The following CNTNAP2 variants were observed in gnomAD, a reference collection of about 807,000 sequenced individuals.
CNTNAP2 encodes contactin-associated protein-like 2.
CNTNAP2 carries 98 observed loss-of-function variants against 155.2 expected under a neutral mutation model. The ratio of observed to expected loss-of-function variants is 0.63; its 90% CI spans 0.54 to 0.75. The LOEUF (loss-of-function observed/expected upper bound fraction) is 0.75. CNTNAP2 is among the 30% of genes least tolerant of loss of function. CNTNAP2 has a pLI of 0.00. For missense variants in CNTNAP2, 1,727 were observed against 1,688.1 expected (o/e 1.02, Z -0.40); for synonymous variants, 651 against 631.2 (o/e 1.03, Z -0.47).
chr7:147,612,500 A>G (rs1342828687), intron 12 of CNTNAP2, among the ~76,000 whole-genome samples: 2 of 150,784 alleles, frequency 1.3e-5, no homozygotes, highest in East Asian at 3.9e-4. Flanking sequence ...TCCCAGGTCC[A>G]AGCGATTCTC....
At chr7:146,618,011 G>C (rs1391307338) in intron 1 of CNTNAP2, among the ~76,000 whole-genome samples, 1 of 151,820 alleles carries the variant, frequency 6.6e-6, no homozygotes, top group Non-Finnish European at 1.5e-5. Context: ...ATAATCCTTA[G>C]GGTTAATTTT....
chr7:146,632,393 T>G (rs559816396), intron 1 of CNTNAP2, among the ~76,000 whole-genome samples: 1 of 152,294 alleles, frequency 6.6e-6, no homozygotes, highest in East Asian at 1.9e-4. Flanking sequence ...TTTTTAGTAC[T>G]AAATATAAAA....
intron 3 of CNTNAP2, among the ~76,000 whole-genome samples, chr7:146,866,812 G>A (rs1403070658): frequency 1.3e-5 from 2 of 152,216 alleles, no homozygotes; most frequent in Middle Eastern, 6.8e-3. Flanking sequence ...ATCAATTACA[G>A]TATACTCACA....
intron 4 of CNTNAP2, among the ~76,000 whole-genome samples, chr7:147,101,877 G>A (rs897024637): frequency 6.6e-6 from 1 of 152,130 alleles, no homozygotes; most frequent in East Asian, 1.9e-4. Flanking sequence ...GCAGGCCAGG[G>A]TGGTTTTGAA....
At chr7:146,151,648 A>ACG (rs1798042739) in intron 1 of CNTNAP2, among the ~76,000 whole-genome samples, 1 of 18,668 alleles carries the variant, frequency 5.4e-5, no homozygotes, top group Non-Finnish European at 1.2e-4. Context: ...ATATATATAT[A>ACG]TATATATATA....
At chr7:146,621,394 C>T (rs1799314483) in intron 1 of CNTNAP2, among the ~76,000 whole-genome samples, 1 of 152,046 alleles carries the variant, frequency 6.6e-6, no homozygotes, top group Non-Finnish European at 1.5e-5. Context: ...ACCTTTAGTC[C>T]TTGGCTTTCT....
intron 4 of CNTNAP2, among the ~76,000 whole-genome samples, chr7:147,051,118 G>C (rs1341855160): frequency 1.3e-5 from 2 of 151,154 alleles, no homozygotes; most frequent in Admixed American, 1.3e-4. Flanking sequence ...GCCACGCTTT[G>C]AGGTTTTGGC....
chr7:147,478,736 C>T (rs1355122008), intron 10 of CNTNAP2, among the ~76,000 whole-genome samples: 3 of 152,222 alleles, frequency 2.0e-5, no homozygotes, highest in African/African-American at 7.2e-5. Flanking sequence ...TTGCCTTCAA[C>T]TTAGCCACAG....
intron 3 of CNTNAP2, among the ~76,000 whole-genome samples, chr7:146,914,458 T>A (rs1796353900): frequency 1.3e-5 from 2 of 152,058 alleles, no homozygotes; most frequent in Admixed American, 6.6e-5. Flanking sequence ...CCAACATCTA[T>A]TATTTTTTTT....
Position 148,151,565 on chromosome 7 carries a change from G to T in CNTNAP2, c.2773+3856G>T, listed in dbSNP as rs533429503. 2.9e-4 allele frequency among the ~76,000 whole-genome samples: 44 copies of T among 152,192 alleles called. 1 individual carries two copies. The highest frequency in any genetic ancestry group is 9.9e-4 in the African/African-American group (41 of 41,510). The stretch of plus-strand genomic sequence containing the variant: ...CCCGCCTCAGCCTCTCAAAGTGCTG[G>T]GATTACAGGCATGAGCCACTATGCC... On this transcript the variant is annotated intron_variant, in intron 17 of 23. Transcript: ENST00000361727.
At chr7:146,813,615 A>G (rs913021935) in intron 2 of CNTNAP2, among the ~76,000 whole-genome samples, 5 of 152,106 alleles carry the variant, frequency 3.3e-5, no homozygotes, top group African/African-American at 4.8e-5. Flanking sequence ...CTCAGATGAG[A>G]TGTTAGACTT....
chr7:146,560,026 C>T (rs2129144194), intron 1 of CNTNAP2, among the ~76,000 whole-genome samples: 1 of 152,266 alleles, frequency 6.6e-6, no homozygotes, highest in East Asian at 1.9e-4. Flanking sequence ...CCAGTTAAAA[C>T]ACTTTTATTT....
intron 1 of CNTNAP2, among the ~76,000 whole-genome samples, chr7:146,619,983 G>A (rs1432027223): frequency 6.6e-6 from 1 of 152,142 alleles, no homozygotes; most frequent in Non-Finnish European, 1.5e-5. Flanking sequence ...GTAAACTTAC[G>A]TTCTCACAAC....
At position 146,281,943 on chromosome 7, in the gene CNTNAP2, T is replaced by C. The variant is rs1322165803; in HGVS notation, c.97+164970T>C. On this transcript the variant is annotated intron_variant, in intron 1 of 23. Transcript: ENST00000361727. Reference sequence around the variant, plus strand: ...CTGGTGAATTAATAAAGATGGGACATTCTATTTTATTATAAATTGTACCTT... The same window carrying C: ...CTGGTGAATTAATAAAGATGGGACACTCTATTTTATTATAAATTGTACCTT... 2.0e-5 allele frequency among the ~76,000 whole-genome samples: 3 copies of C among 152,194 alleles called. No homozygotes were observed. In the South Asian group the frequency reaches 6.2e-4, roughly 32 times the overall value.
At chr7:146,567,206 C>T (rs1418578721) in intron 1 of CNTNAP2, among the ~76,000 whole-genome samples, 1 of 152,166 alleles carries the variant, frequency 6.6e-6, no homozygotes, top group Non-Finnish European at 1.5e-5. Flanking sequence ...TAGCCCAATA[C>T]AGGAATTCAT....
At chr7:147,602,960 G>A (rs1800983249) in intron 12 of CNTNAP2, among the ~76,000 whole-genome samples, 1 of 152,112 alleles carries the variant, frequency 6.6e-6, no homozygotes, top group Non-Finnish European at 1.5e-5. Context: ...ACATGTGCAT[G>A]TATGTAGCAG....
At chr7:146,654,001 G>A (rs1384413013) in intron 1 of CNTNAP2, among the ~76,000 whole-genome samples, 1 of 151,908 alleles carries the variant, frequency 6.6e-6, no homozygotes, top group Non-Finnish European at 1.5e-5. Context: ...TATAATCCCA[G>A]AACAGTTCTT....
At chr7:147,319,583 G>A (rs1011439445) in intron 9 of CNTNAP2, among the ~76,000 whole-genome samples, 4 of 152,132 alleles carry the variant, frequency 2.6e-5, no homozygotes, top group Admixed American at 1.3e-4. Context: ...TCACCATGTC[G>A]GCCAGGCTTG....
In CNTNAP2 at chr7:147,314,527, T is replaced by C. The variant is rs1399050090; in HGVS notation, c.1498+14237T>C. On this transcript the variant is annotated intron_variant, in intron 9 of 23. Coordinates refer to ENST00000361727, the MANE Select transcript of CNTNAP2 (RefSeq NM_014141.6). ...TGGGAAGAGAGACCTTCTCTGTTTTTAGACACCCTTATTAGATCAGTATGC... is the reference window on the plus strand; with the variant it reads ...TGGGAAGAGAGACCTTCTCTGTTTTCAGACACCCTTATTAGATCAGTATGC... 9.9e-5 allele frequency among the ~76,000 whole-genome samples: 15 copies of C among 151,220 alleles called. 1 individual carries two copies. The highest frequency in any genetic ancestry group is 3.6e-4 in the African/African-American group (15 of 41,348).
Sources: gnomAD v4.1 joint callset for allele counts (sites outside exome capture counted in the v4.1 genomes callset) on GRCh38, gnomAD v4.1.1 for gene constraint, MANE v1.5 for transcripts, NCBI Gene and HGNC (gene_info 2026-07-23, HGNC 2026-07-21) for gene names.